Variants in ARB2A observed in about 807,000 individuals in gnomAD.
ARB2A encodes the protein cotranscriptional regulator ARB2A.
the ARB2A span, among the ~76,000 whole-genome samples, chr5:93,788,916 C>A: frequency 1.3e-5 from 2 of 152,150 alleles, no homozygotes; most frequent in Non-Finnish European, 2.9e-5. Flanking sequence ...TTCACCCTAA[C>A]CTAAAAGAAG....
the ARB2A span, chr5:93,742,989 T>C: frequency 1.3e-5 from 2 of 152,226 alleles, no homozygotes. Context: ...CTTGACTTTT[T>C]CTGTTCTCCA....
chr5:93,814,001 G>T, the ARB2A span, among the ~76,000 whole-genome samples: 2 of 152,082 alleles, frequency 1.3e-5, no homozygotes, highest in Non-Finnish European at 2.9e-5. Context: ...TCCATTAACA[G>T]CGCTTCTAAG....
chr5:93,778,429 A>C, the ARB2A span, among the ~76,000 whole-genome samples: 2 of 152,176 alleles, frequency 1.3e-5, no homozygotes, highest in Non-Finnish European at 2.9e-5. Flanking sequence ...TAAATGGATG[A>C]TTTGTTTTAT....
At chr5:93,748,289 G>A in the ARB2A span, among the ~76,000 whole-genome samples, 3 of 152,040 alleles carry the variant, frequency 2.0e-5, no homozygotes, top group Non-Finnish European at 2.9e-5. Context: ...AAGAATAAAA[G>A]GAAAAGGTTA....
At chr5:93,924,975 C>G in the ARB2A span, among the ~76,000 whole-genome samples, 2 of 151,990 alleles carry the variant, frequency 1.3e-5, no homozygotes, top group Non-Finnish European at 2.9e-5. Context: ...AATGTAAAAT[C>G]GCTCTGAATG....
chr5:93,894,660 A>C, the ARB2A span, among the ~76,000 whole-genome samples: 2 of 152,130 alleles, frequency 1.3e-5, no homozygotes, highest in Non-Finnish European at 2.9e-5. Flanking sequence ...TGTGGTCTTT[A>C]CTGACTTTGG....
At chr5:93,938,967 T>C in the ARB2A span, among the ~76,000 whole-genome samples, 2 of 152,188 alleles carry the variant, frequency 1.3e-5, no homozygotes, top group African/African-American at 4.8e-5. Flanking sequence ...TGTCAGAAAA[T>C]GCAAACTAAG....
chr5:93,790,760 TA>T, the ARB2A span, among the ~76,000 whole-genome samples: 1 of 151,332 alleles, frequency 6.6e-6, no homozygotes, highest in Non-Finnish European at 1.5e-5. Flanking sequence ...TGACTGTATT[TA>T]AAAAAAAAGA....
chr5:93,848,211 C>G, the ARB2A span, among the ~76,000 whole-genome samples: 3 of 151,898 alleles, frequency 2.0e-5, no homozygotes, highest in Non-Finnish European at 2.9e-5. Context: ...GGTGAAACCC[C>G]GTCTCTACTG....
the ARB2A span, among the ~76,000 whole-genome samples, chr5:94,092,977 T>C: frequency 5.9e-5 from 9 of 152,164 alleles, no homozygotes; most frequent in African/African-American, 2.2e-4. Flanking sequence ...TTGAACTCTT[T>C]TCTAAATATA....
At chr5:94,047,492 C>CAAA in the ARB2A span, among the ~76,000 whole-genome samples, 1 of 81,130 alleles carries the variant, frequency 1.2e-5, no homozygotes, top group Non-Finnish European at 2.5e-5. Flanking sequence ...GACTCCATCT[C>CAAA]AAAAAAAAAA....
At chr5:93,659,476 A>C in the ARB2A span, among the ~76,000 whole-genome samples, 1 of 152,268 alleles carries the variant, frequency 6.6e-6, no homozygotes, top group Non-Finnish European at 1.5e-5. Context: ...TGCAGCCTGA[A>C]ACTGAGTTTG....
the ARB2A span, among the ~76,000 whole-genome samples, chr5:93,828,897 C>A: frequency 6.6e-6 from 1 of 152,174 alleles, no homozygotes; most frequent in Admixed American, 6.5e-5. Context: ...CTGCCTCAGC[C>A]TCCCAAGTAG....
At chr5:93,766,624 A>G in the ARB2A span, among the ~76,000 whole-genome samples, 1 of 152,188 alleles carries the variant, frequency 6.6e-6, no homozygotes, top group African/African-American at 2.4e-5. Context: ...TGTGGAAGTC[A>G]GTGTGGCAAT....
chr5:93,936,812 T>C, the ARB2A span, among the ~76,000 whole-genome samples: 2 of 152,182 alleles, frequency 1.3e-5, no homozygotes, highest in Non-Finnish European at 2.9e-5. Flanking sequence ...ATACCCAGTA[T>C]TGACCATGTT....
chr5:93,762,848 AT>A, the ARB2A span, among the ~76,000 whole-genome samples: 1 of 152,240 alleles, frequency 6.6e-6, no homozygotes. Flanking sequence ...CTAACAGCGG[AT>A]CTCTTGGCAG....
the ARB2A span, among the ~76,000 whole-genome samples, chr5:93,667,341 T>G: frequency 6.6e-6 from 1 of 152,246 alleles, no homozygotes; most frequent in East Asian, 1.9e-4. Flanking sequence ...CGTAAGCTCC[T>G]AATGGGTACT....
At chr5:93,843,946 C>T in the ARB2A span, among the ~76,000 whole-genome samples, 1 of 151,436 alleles carries the variant, frequency 6.6e-6, no homozygotes, top group Non-Finnish European at 1.5e-5. Context: ...ACTAAAGTAC[C>T]CAGTATAATG....
the ARB2A span, among the ~76,000 whole-genome samples, chr5:93,644,800 G>A: frequency 6.6e-6 from 1 of 152,130 alleles, no homozygotes; most frequent in African/African-American, 2.4e-5. Flanking sequence ...ACAATGACCT[G>A]TGCCACGGTG....
Sources: gnomAD v4.1 joint callset for allele counts (sites outside exome capture counted in the v4.1 genomes callset) on GRCh38, gnomAD v4.1.1 for gene constraint, MANE v1.5 for transcripts, NCBI Gene and HGNC (gene_info 2026-07-23, HGNC 2026-07-21) for gene names.